VGLL3: variants seen among roughly 807,000 people sequenced by gnomAD.
VGLL3 encodes transcription cofactor vestigial-like protein 3.
A neutral mutation model predicts 29.2 loss-of-function variants in VGLL3; 18 were observed. The observed-to-expected ratio is 0.62, with a 90% confidence interval of 0.43 to 0.91. The LOEUF is 0.91. Among genes scored for constraint, VGLL3 ranks in the 40% least tolerant of loss-of-function variants. VGLL3 has a pLI of 0.00. For synonymous variants in VGLL3, 180 were observed against 151.8 expected (o/e 1.19, Z -1.36); for missense variants, 440 against 413.2 (o/e 1.06, Z -0.56).
rs1445476431 is a variant in VGLL3 at position 86,939,785 on chromosome 3, T to G, written c.*7239A>C. The G allele has an allele frequency of 6.6e-6, 1 of 152,158 alleles. No individual in the cohort carries two copies. Among genetic ancestry groups the G allele is most frequent in the Non-Finnish European group, 1.5e-5 (1 of 68,098 alleles). 9.4% of individuals were successfully genotyped at this position (152,158 alleles called of 1,614,324 possible). ...AAGTCAGTGATGTCATGTGAGAAGGTCTTGACCAGGTTGCTGGATTTGAAG... is the reference window on the plus strand; with the variant it reads ...AAGTCAGTGATGTCATGTGAGAAGGGCTTGACCAGGTTGCTGGATTTGAAG... On this transcript the variant is annotated 3_prime_UTR_variant, in exon 4 of 4. Transcript: ENST00000398399.
chr3:86,970,483 G>GCACACACACACACACACACA (rs10694503), intron 2 of VGLL3, among the ~76,000 whole-genome samples: 73 of 141,290 alleles, frequency 5.2e-4, no homozygotes, highest in Non-Finnish European at 8.6e-4. Context: ...TTACACACAC[G>GCACACACACACACACACACA]CACACACACA....
intron 1 of VGLL3, 162 bp downstream of exon 1, chr3:86,990,456 C>T (rs925945254): frequency 1.0e-6 from 1 of 979,312 alleles, no homozygotes; most frequent in Non-Finnish European, 1.2e-6. Flanking sequence ...GCTGCTCTCC[C>T]TTCCCGGCTC....
rs916127163 is a variant in VGLL3, at chr3:86,969,115, C to A, written c.412G>T (p.Ala138Ser). The change falls in exon 3 of 4, where the codon GCT becomes TCT. Residue 138 changes from alanine (A) to serine (S), a missense_variant. Coordinates refer to ENST00000398399, the MANE Select transcript of VGLL3 (RefSeq NM_016206.4). ...AAACTATTCCGCTGGCTTGAGAGAG[C>A]TGAGCTGTCTGAGAAGACAGAAAAT... ...GLTPLWRDSSALSSQRNSFPT... is the reference protein window; with the variant it reads ...GLTPLWRDSSSLSSQRNSFPT... The A allele has an allele frequency of 2.5e-6, 4 of 1,584,542 alleles. No individual in the cohort carries two copies. The African/African-American group carries it at 4.1e-5, about 16-fold the overall frequency.
chr3:86,978,638 G>T lies in VGLL3; in HGVS notation c.291C>A (p.Asp97Glu). The T allele has an allele frequency of 1.2e-6, 2 of 1,614,148 alleles. No individual in the cohort carries two copies. Among genetic ancestry groups the T allele is most frequent in the Non-Finnish European group, 1.7e-6 (2 of 1,180,026 alleles). The change falls in exon 2 of 4, where the codon GAC (aspartate) becomes GAA (glutamate). Residue 97 changes from aspartate (D) to glutamate (E), a missense_variant. Asp to Glu is a conservative substitution (Grantham distance 45, BLOSUM62 2). Coordinates refer to ENST00000398399, the MANE Select transcript of VGLL3 (RefSeq NM_016206.4). ...AGTGTTCATCCACTACTGACCCAAT[G>T]TCTCCCTGGAAATAAGTGAAAAGGA... ...RCVLFTYFQG[D>E]IGSVVDEHFS...
chr3:86,966,145 C>A (rs73844421), intron 3 of VGLL3, among the ~76,000 whole-genome samples: 12,976 of 152,010 alleles, frequency 0.085, 1,472 homozygotes, highest in African/African-American at 0.26. Flanking sequence ...TTTGTAGGGA[C>A]ACACACAAGG....
chr3:86,983,511 C>A (rs896144514), intron 1 of VGLL3, among the ~76,000 whole-genome samples: 7 of 152,172 alleles, frequency 4.6e-5, no homozygotes, highest in Non-Finnish European at 8.8e-5. Flanking sequence ...CTCACTTCAA[C>A]TGGGACTACA....
At chr3:86,978,892 T>A in intron 1 of VGLL3, 90 bp from the exon 2 acceptor site, 1 of 1,376,546 alleles carries the variant, frequency 7.3e-7, no homozygotes, top group Non-Finnish European at 9.7e-7. Context: ...AAAAAGAATC[T>A]AAATATTAAC....
intron 3 of VGLL3, among the ~76,000 whole-genome samples, 162 bp from the exon 4 acceptor site, chr3:86,947,229 T>A (rs79536782): frequency 2.0e-5 from 3 of 152,342 alleles, no homozygotes; most frequent in Admixed American, 6.5e-5. Flanking sequence ...AATTCTGTGC[T>A]GGAGCTCACA....
intron 1 of VGLL3, among the ~76,000 whole-genome samples, chr3:86,980,594 T>G (rs912527370): frequency 2.0e-5 from 3 of 152,126 alleles, no homozygotes; most frequent in African/African-American, 7.2e-5. Context: ...ATATTTAACT[T>G]CAATAGTATA....
At chr3:86,953,469 C>T (rs1400127322) in intron 3 of VGLL3, among the ~76,000 whole-genome samples, 2 of 151,996 alleles carry the variant, frequency 1.3e-5, no homozygotes, top group South Asian at 4.2e-4. Context: ...TGAATATTTA[C>T]GAGTTACATT....
Position 86,990,755 on chromosome 3 carries a change from C to A in VGLL3, c.-12G>T, listed in dbSNP as rs977424180. ...TCCGCACAACTCATGGCAGCCGGGG[C>A]AGTGGCGGCCCCCGAGCTGCCGCCG... On this transcript the variant is annotated 5_prime_UTR_variant, in exon 1 of 4. Transcript: ENST00000398399. The A allele has an allele frequency of 3.0e-6, 4 of 1,313,482 alleles. No individual in the cohort carries two copies. The highest frequency in any genetic ancestry group is 3.9e-6 in the Non-Finnish European group (4 of 1,028,900). The allele number at this position is 1,313,482 out of a possible 1,614,324, so 81.4% of individuals were successfully genotyped here.
chr3:86,962,609 G>GA, intron 3 of VGLL3: 2 of 950,268 alleles, frequency 2.1e-6, no homozygotes, highest in Non-Finnish European at 2.5e-6. Flanking sequence ...TATGCTCTTT[G>GA]AAAAAAATTC....
chr3:86,989,892 A>T (rs186138763), intron 1 of VGLL3, among the ~76,000 whole-genome samples: 2 of 151,890 alleles, frequency 1.3e-5, no homozygotes, highest in Non-Finnish European at 2.9e-5. Flanking sequence ...TCAGTTCACG[A>T]CCCCTTATTA....
chr3:86,986,955 T>G (rs72918108), intron 1 of VGLL3, among the ~76,000 whole-genome samples: 1 of 152,040 alleles, frequency 6.6e-6, no homozygotes, highest in Non-Finnish European at 1.5e-5. Context: ...AAGAATCTAT[T>G]GCATATTAAT....
At chr3:86,961,465 C>T (rs1378020935) in intron 3 of VGLL3, among the ~76,000 whole-genome samples, 2 of 152,094 alleles carry the variant, frequency 1.3e-5, no homozygotes, top group South Asian at 4.1e-4. Context: ...ATTATGACCA[C>T]TAAAAGAGGA....
At position 86,978,669 on chromosome 3, in the gene VGLL3, C is replaced by T. The variant is rs778137224; in HGVS notation, c.260G>A (p.Arg87His). The T allele has an allele frequency of 2.5e-6, 4 of 1,614,108 alleles. No individual in the cohort carries two copies. The highest frequency in any genetic ancestry group is 1.3e-5 in the African/African-American group (1 of 75,020). ...CTGGAAATAAGTGAAAAGGACACAGCGAGAGTTAAGGTACTCCATCTCGGC... is the reference window on the plus strand; with the variant it reads ...CTGGAAATAAGTGAAAAGGACACAGTGAGAGTTAAGGTACTCCATCTCGGC... ...QPAEMEYLNSRCVLFTYFQGD... is the reference protein window; with the variant it reads ...QPAEMEYLNSHCVLFTYFQGD... Residue 87 changes from arginine to histidine, a missense_variant, in exon 2 of 4, where the codon CGC (arginine) becomes CAC (histidine). Coordinates refer to ENST00000398399, the MANE Select transcript of VGLL3 (RefSeq NM_016206.4).
At chr3:86,956,856 C>T (rs1339724911) in intron 3 of VGLL3, among the ~76,000 whole-genome samples, 3 of 148,760 alleles carry the variant, frequency 2.0e-5, no homozygotes, top group African/African-American at 7.4e-5. Flanking sequence ...CTCCAATTTA[C>T]GTAGTAATTT....
At chr3:86,989,813 G>A (rs1036953825) in intron 1 of VGLL3, among the ~76,000 whole-genome samples, 6 of 152,098 alleles carry the variant, frequency 3.9e-5, no homozygotes, top group Non-Finnish European at 8.8e-5. Context: ...AGAGAGTAAT[G>A]TCCAAGGGCG....
rs554420903 is a variant in VGLL3, at chr3:86,949,689, G to A, written c.938-2622C>T. 2.2e-4 allele frequency among the ~76,000 whole-genome samples: 33 copies of A among 151,898 alleles called. 1 individual carries two copies. Among genetic ancestry groups the A allele is most frequent in the Admixed American group, 1.9e-3 (29 of 15,274 alleles). On this transcript the variant is annotated intron_variant, in intron 3 of 3. Coordinates refer to ENST00000398399, the MANE Select transcript of VGLL3 (RefSeq NM_016206.4). ...AAAACACAAAAAATTAGCCGGGCGTGATGGCGGGCGCCCTGTAGTCCCAGC... is the reference window on the plus strand; with the variant it reads ...AAAACACAAAAAATTAGCCGGGCGTAATGGCGGGCGCCCTGTAGTCCCAGC...
Sources: allele counts gnomAD v4.1 joint callset (sites outside exome capture counted in the v4.1 genomes callset), GRCh38; gene constraint gnomAD v4.1.1; transcripts MANE v1.5; gene names NCBI Gene and HGNC (gene_info 2026-07-23, HGNC 2026-07-21).